Variants in SLC39A11 observed in about 807,000 individuals in gnomAD.
The protein encoded by SLC39A11 is zinc transporter ZIP11.
Under a neutral mutation model 36.1 loss-of-function variants are expected in SLC39A11, and 33 were observed. That is an observed-to-expected ratio of 0.91 (90% confidence interval 0.69 to 1.22). SLC39A11 has a LOEUF of 1.22. SLC39A11 is among the 50% of genes most tolerant of loss of function. SLC39A11 has a pLI of 0.00. For synonymous variants in SLC39A11, 166 were observed against 170.3 expected (o/e 0.97, Z 0.20); for missense variants, 432 against 430.3 (o/e 1.00, Z -0.03).
intron 5 of SLC39A11, among the ~76,000 whole-genome samples, chr17:72,872,739 T>G (rs201186243): frequency 1.3e-5 from 2 of 152,124 alleles, no homozygotes; most frequent in East Asian, 3.9e-4. Context: ...TTTGTAAAAC[T>G]AACCAATTGG....
At position 72,681,741 on chromosome 17, in the gene SLC39A11, C is replaced by T. The variant is rs139873277; in HGVS notation, c.672-32473G>A. Reference sequence around the variant, plus strand: ...ACAGCCAGACCAATACCTCCTCTTCCTCCTCCTCCACAGCGAACTCAGTGT... The same window carrying T: ...ACAGCCAGACCAATACCTCCTCTTCTTCCTCCTCCACAGCGAACTCAGTGT... On this transcript the variant is annotated intron_variant, in intron 7 of 9. Transcript: ENST00000255559. 4.6e-5 allele frequency among the ~76,000 whole-genome samples: 7 copies of T among 152,310 alleles called. No individual in the cohort carries two copies. In the East Asian group the frequency reaches 1.2e-3, roughly 25 times the overall value.
chr17:72,771,939 C>G (rs1266437111), intron 6 of SLC39A11, among the ~76,000 whole-genome samples: 1 of 152,118 alleles, frequency 6.6e-6, no homozygotes, highest in African/African-American at 2.4e-5. Flanking sequence ...AAGAGGGGAG[C>G]CTCTTTCCAC....
chr17:73,071,461 A>G (rs2060159844), intron 3 of SLC39A11, among the ~76,000 whole-genome samples: 1 of 152,234 alleles, frequency 6.6e-6, no homozygotes, highest in Admixed American at 6.5e-5. Context: ...ATGAAGAGCA[A>G]GCCCTGTTTG....
intron 7 of SLC39A11, among the ~76,000 whole-genome samples, chr17:72,732,679 T>C (rs2074280024): frequency 6.6e-6 from 1 of 152,242 alleles, no homozygotes; most frequent in Non-Finnish European, 1.5e-5. Context: ...TGAGTGTAAG[T>C]GCAACCGTAC....
At chr17:72,986,294 T>G (rs1304153715) in intron 4 of SLC39A11, among the ~76,000 whole-genome samples, 1 of 152,018 alleles carries the variant, frequency 6.6e-6, no homozygotes, top group Non-Finnish European at 1.5e-5. Flanking sequence ...ACACAACCAC[T>G]AGGGGGAGAT....
At chr17:73,028,492 C>T (rs1027300278) in intron 4 of SLC39A11, among the ~76,000 whole-genome samples, 1 of 152,208 alleles carries the variant, frequency 6.6e-6, no homozygotes. Context: ...CATTTGTATT[C>T]ACTGACTGTA....
At chr17:72,809,204 TC>T (rs1485946004) in intron 6 of SLC39A11, among the ~76,000 whole-genome samples, 6 of 52,474 alleles carry the variant, frequency 1.1e-4, no homozygotes, top group Admixed American at 2.1e-4. Flanking sequence ...TTTCTTTCTC[TC>T]TCTCTCTCTC....
intron 7 of SLC39A11, among the ~76,000 whole-genome samples, chr17:72,707,121 C>G (rs746266542): frequency 6.6e-6 from 1 of 152,136 alleles, no homozygotes; most frequent in East Asian, 1.9e-4. Flanking sequence ...TTTGCTAGGC[C>G]GGGCATCATG....
At chr17:72,745,808 T>A (rs1410568256) in intron 6 of SLC39A11, among the ~76,000 whole-genome samples, 1 of 152,148 alleles carries the variant, frequency 6.6e-6, no homozygotes, top group Non-Finnish European at 1.5e-5. Flanking sequence ...ATGCTACGAC[T>A]TTTCCTCCTT....
At chr17:72,660,292 G>C (rs568122818) in intron 7 of SLC39A11, among the ~76,000 whole-genome samples, 1 of 152,204 alleles carries the variant, frequency 6.6e-6, no homozygotes, top group East Asian at 1.9e-4. Context: ...CCTCCGGCTA[G>C]AATAAAAATG....
intron 3 of SLC39A11, among the ~76,000 whole-genome samples, chr17:73,044,716 A>G (rs976357558): frequency 1.3e-5 from 2 of 152,074 alleles, no homozygotes; most frequent in East Asian, 1.9e-4. Flanking sequence ...TCTACAAAAA[A>G]TACAAAAATT....
intron 5 of SLC39A11, among the ~76,000 whole-genome samples, chr17:72,899,945 C>G (rs112433985): frequency 0.034 from 4,608 of 136,608 alleles, 274 homozygotes; most frequent in African/African-American, 0.12. Flanking sequence ...CTGGGTGACA[C>G]AACAAGATTC....
intron 6 of SLC39A11, among the ~76,000 whole-genome samples, chr17:72,787,816 T>C (rs2076571817): frequency 6.6e-6 from 1 of 152,194 alleles, no homozygotes; most frequent in Admixed American, 6.5e-5. Flanking sequence ...ACATTCTGTT[T>C]CCTCCTGGGA....
At chr17:72,881,413 C>T (rs2081191834) in intron 5 of SLC39A11, among the ~76,000 whole-genome samples, 1 of 152,170 alleles carries the variant, frequency 6.6e-6, no homozygotes, top group South Asian at 2.1e-4. Flanking sequence ...TAAATATGTG[C>T]ACTTTTTGTA....
intron 7 of SLC39A11, among the ~76,000 whole-genome samples, chr17:72,727,969 T>G (rs1483828573): frequency 6.6e-6 from 1 of 152,224 alleles, no homozygotes; most frequent in Non-Finnish European, 1.5e-5. Flanking sequence ...CTTCTTGGAA[T>G]AGTTCCTTTT....
At chr17:72,777,118 C>T (rs2076163484) in intron 6 of SLC39A11, among the ~76,000 whole-genome samples, 5 of 152,122 alleles carry the variant, frequency 3.3e-5, no homozygotes, top group Admixed American at 3.3e-4. Flanking sequence ...TATTCACACT[C>T]GGGCTTTAGT....
chr17:72,648,767 G>C (rs775848390), intron 9 of SLC39A11, 36 bp downstream of exon 9: 13 of 1,611,396 alleles, frequency 8.1e-6, no homozygotes, highest in Non-Finnish European at 1.1e-5. Flanking sequence ...AGCTGGGACT[G>C]GGACAGGGAC....
At chr17:72,975,326 C>A (rs1167405212) in intron 4 of SLC39A11, among the ~76,000 whole-genome samples, 2 of 152,146 alleles carry the variant, frequency 1.3e-5, no homozygotes, top group Non-Finnish European at 2.9e-5. Flanking sequence ...ATAATCCCAG[C>A]CACTTTGGAG....
rs2069578078 is a variant in SLC39A11 at position 72,646,684 on chromosome 17, C to T, written c.*900G>A. 1 of 152,716 alleles carries T rather than the reference C, an allele frequency of 6.5e-6. No individual in the cohort carries two copies. The highest frequency in any genetic ancestry group is 2.4e-5 in the African/African-American group (1 of 41,552). 9.5% of individuals were successfully genotyped at this position (152,716 alleles called of 1,614,324 possible). A position where few individuals can be genotyped will look rare whatever the true frequency, so the allele number is the denominator to read the frequency against. On this transcript the variant is annotated 3_prime_UTR_variant, in exon 10 of 10. Coordinates refer to ENST00000255559, the MANE Select transcript of SLC39A11 (RefSeq NM_139177.4). The stretch of plus-strand genomic sequence containing the variant: ...TTCACTTGAGTTAACTGAAATGGCT[C>T]CTTCTTTGAGTAATTGAAGAGTTTG...
Sources: gnomAD v4.1 joint callset for allele counts (sites outside exome capture counted in the v4.1 genomes callset) on GRCh38, gnomAD v4.1.1 for gene constraint, MANE v1.5 for transcripts, NCBI Gene and HGNC (gene_info 2026-07-23, HGNC 2026-07-21) for gene names.